SLFN11: variants seen among roughly 807,000 people sequenced by gnomAD.
SLFN11 encodes the protein schlafen family member 11.
SLFN11 carries 43 observed loss-of-function variants against 53.4 expected under a neutral mutation model. The observed-to-expected ratio is 0.80, with a 90% CI of 0.63 to 1.04. The LOEUF is 1.04. SLFN11 is among the 50% of genes least tolerant of loss of function. The probability of loss-of-function intolerance (pLI) is 0.00; values close to 1 mark genes in which losing one functional copy is unlikely to be tolerated. For synonymous variants in SLFN11, 389 were observed against 394.7 expected, an observed-to-expected ratio of 0.99 and a Z score of 0.17; for missense variants, 990 against 1,079.1, an observed-to-expected ratio of 0.92 and a Z score of 1.16.
chr17:35,359,231 TG>T (rs890009379), intron 5 of SLFN11, among the ~76,000 whole-genome samples: 66 of 152,252 alleles, frequency 4.3e-4, no homozygotes, highest in African/African-American at 1.5e-3. Context: ...TCTACTAAAA[TG>T]GATCTTATTG....
rs1348896425 is a variant in SLFN11, at chr17:35,353,870, A to G, written c.1388T>C (p.Leu463Pro). The change falls in exon 6 of 7, where the codon CTG becomes CCG. Residue 463 changes from leucine to proline, a missense_variant. Around this residue, in one of 3 missense-constraint regions of SLFN11, gnomAD observed 156 missense variants for 241.9 expected, o/e 0.64. Coordinates refer to ENST00000685675, the MANE Select transcript of SLFN11 (RefSeq NM_001376007.1). ...AATGGGGGTGCTGTTCTGTGCTATCAGCAGAGCATCACAGATGACTCCTGG... is the reference window on the plus strand; with the variant it reads ...AATGGGGGTGCTGTTCTGTGCTATCGGCAGAGCATCACAGATGACTCCTGG... Reference protein sequence around the residue: ...EKPGVICDALLIAQNSTPILY... With the variant: ...EKPGVICDALPIAQNSTPILY... 2 of 1,612,582 alleles carry G rather than the reference A, an allele frequency of 1.2e-6. No individual in the cohort carries two copies. Among genetic ancestry groups the G allele is most frequent in the East Asian group, 2.2e-5 (1 of 44,866 alleles).
intron 4 of SLFN11, among the ~76,000 whole-genome samples, chr17:35,362,369 C>G (rs1908337201): frequency 6.6e-6 from 1 of 152,018 alleles, no homozygotes; most frequent in Non-Finnish European, 1.5e-5. Flanking sequence ...TATTTAGGTG[C>G]AAGTATATAC....
At position 35,350,821 on chromosome 17, in the gene SLFN11, C is replaced by G. The variant is rs745337651; in HGVS notation, c.*1535G>C. 6 of 152,120 alleles carry G rather than the reference C, an allele frequency of 3.9e-5. No individual in the cohort carries two copies. Among genetic ancestry groups the G allele is most frequent in the Non-Finnish European group, 7.3e-5 (5 of 68,038 alleles). The allele number at this position is 152,120 out of a possible 1,614,324, so 9.4% of individuals were successfully genotyped here. A position where few individuals can be genotyped will look rare whatever the true frequency, so the allele number is the denominator to read the frequency against. On this transcript the variant is annotated 3_prime_UTR_variant, in exon 7 of 7. Transcript: ENST00000685675. Reference sequence around the variant, plus strand: ...CAAAAATCACAGTCTGGGGGGAAATCAGTAGAGTAAGATTACCAATAAGTG... The same window carrying G: ...CAAAAATCACAGTCTGGGGGGAAATGAGTAGAGTAAGATTACCAATAAGTG...
Position 35,363,438 on chromosome 17 carries a change from G to A in SLFN11, c.370C>T (p.Arg124Cys), listed in dbSNP as rs140675117. 2.7e-5 allele frequency: 44 copies of A among 1,613,840 alleles called. No individual in the cohort carries two copies. The highest frequency in any genetic ancestry group is 3.3e-5 in the South Asian group (3 of 91,082). ...PFPEDRSVKP[R>C]LCSLSSSLYR... The stretch of plus-strand genomic sequence containing the variant: ...AATGAAGAACTGAGGCTGCAAAGGC[G>A]GGGCTTGACAGAGCGATCTTCAGGG... The change falls in exon 4 of 7, where the codon CGC (arginine) becomes TGC (cysteine). Residue 124 changes from arginine (R) to cysteine (C), a missense_variant. Transcript: ENST00000685675.
In SLFN11 at chr17:35,363,574, T is replaced by G. The variant is rs1426864423; in HGVS notation, c.234A>C (p.Glu78Asp). The G allele has an allele frequency of 6.2e-7, 1 of 1,613,950 alleles. No individual in the cohort carries two copies. Among genetic ancestry groups the G allele is most frequent in the East Asian group, 2.2e-5 (1 of 44,894 alleles). The change falls in exon 4 of 7, where the codon GAA becomes GAC. Residue 78 changes from glutamate (E) to aspartate (D), a missense_variant. Around this residue, in one of 3 missense-constraint regions of SLFN11, gnomAD observed 521 missense variants for 516.2 expected, o/e 1.01. Coordinates refer to ENST00000685675, the MANE Select transcript of SLFN11 (RefSeq NM_001376007.1). The stretch of plus-strand genomic sequence containing the variant: ...ACTGAATAAGCTCTCTCAAAGACTG[T>G]TCTAAATCCAGTCCCATCTCCACGG... ...EHPVEMGLDL[E>D]QSLRELIQSS...
At chr17:35,360,926 C>T (rs761502127) in intron 4 of SLFN11, among the ~76,000 whole-genome samples, 2 of 152,104 alleles carry the variant, frequency 1.3e-5, no homozygotes, top group African/African-American at 2.4e-5. Flanking sequence ...ACTATGATCA[C>T]GCCACTGCAC....
intron 3 of SLFN11, 125 bp from the exon 4 acceptor site, chr17:35,363,951 T>C: frequency 4.3e-6 from 3 of 699,762 alleles, no homozygotes; most frequent in Non-Finnish European, 6.7e-6. Flanking sequence ...ATCCCTTCTC[T>C]TTAGGAGAAG....
At chr17:35,361,300 A>G (rs998410762) in intron 4 of SLFN11, among the ~76,000 whole-genome samples, 18 of 152,156 alleles carry the variant, frequency 1.2e-4, no homozygotes, top group Admixed American at 4.6e-4. Context: ...GGGGTAGAGC[A>G]GATTATACCT....
Position 35,351,355 on chromosome 17 carries a change from C to T in SLFN11, c.*1001G>A, listed in dbSNP as rs1906654860. 1 of 152,132 alleles carries T rather than the reference C, an allele frequency of 6.6e-6. No homozygotes were observed. Among genetic ancestry groups the T allele is most frequent in the South Asian group, 2.1e-4 (1 of 4,828 alleles). 9.4% of individuals were successfully genotyped at this position (152,132 alleles called of 1,614,324 possible). On this transcript the variant is annotated 3_prime_UTR_variant, in exon 7 of 7. Transcript: ENST00000685675. Reference sequence around the variant, plus strand: ...CCCAGCTCCACAGTGCAGGTTGGGGCTTCAACACGGGAATTTGGGGGTGAA... The same window carrying T: ...CCCAGCTCCACAGTGCAGGTTGGGGTTTCAACACGGGAATTTGGGGGTGAA...
At position 35,352,746 on chromosome 17, in the gene SLFN11, A is replaced by G. The variant is rs184079642; in HGVS notation, c.2316T>C (p.Gly772=). 158 of 1,614,206 alleles carry G rather than the reference A, an allele frequency of 9.8e-5. No homozygotes were observed. In the Admixed American group the frequency reaches 1.7e-3, roughly 17 times the overall value. The change falls in exon 7 of 7, where the codon GGT becomes GGC. Residue 772 remains glycine, a synonymous_variant. Coordinates refer to ENST00000685675, the MANE Select transcript of SLFN11 (RefSeq NM_001376007.1). ...TCTTAATTCGTAAGGTTCCCTGAAC[A>G]CCCTGGGACCATTCGGCTTCAGGAA... is the stretch of plus-strand genomic sequence containing the variant. ...EVFPEAEWSQ[G]VQGTLRIKKY...
chr17:35,367,457 C>G (rs183254901), intron 2 of SLFN11, 146 bp downstream of exon 2: 1 of 152,168 alleles, frequency 6.6e-6, no homozygotes, highest in African/African-American at 2.4e-5. Flanking sequence ...GAGATATTGT[C>G]CCATATAAAT....
chr17:35,362,129 C>T (rs1409873988), intron 4 of SLFN11, among the ~76,000 whole-genome samples: 2 of 151,986 alleles, frequency 1.3e-5, no homozygotes, highest in African/African-American at 2.4e-5. Context: ...TAGCCAACTG[C>T]CAGTTTCTGT....
chr17:35,359,110 G>T (rs1264538455), intron 5 of SLFN11, among the ~76,000 whole-genome samples: 2 of 152,030 alleles, frequency 1.3e-5, no homozygotes, highest in African/African-American at 4.8e-5. Flanking sequence ...TCAAAAGTTT[G>T]GTAGAAGTTT....
At position 35,353,657 on chromosome 17, in the gene SLFN11, T is replaced by A; in HGVS notation, c.1601A>T (p.Asp534Val). 8.6e-7 allele frequency: 1 copy of A among 1,166,330 alleles called. No individual in the cohort carries two copies. Among genetic ancestry groups the A allele is most frequent in the Non-Finnish European group, 1.2e-6 (1 of 859,384 alleles). The allele number at this position is 1,166,330 out of a possible 1,614,324, so 72.2% of individuals were successfully genotyped here. ...TGCAAGGCTATAGGACGCAGGGTAA[T>A]CCATCGGAGACACTGCAGCCTCCAA... ...EALEAAVSPM[D>V]YPASYSLAGT... Residue 534 changes from aspartate to valine, a missense_variant, in exon 6 of 7, where the codon GAT becomes GTT. Around this residue, in one of 3 missense-constraint regions of SLFN11, gnomAD observed 156 missense variants for 241.9 expected, o/e 0.64. Transcript: ENST00000685675.
At chr17:35,355,660 A>G (rs952132809) in intron 5 of SLFN11, among the ~76,000 whole-genome samples, 1 of 152,194 alleles carries the variant, frequency 6.6e-6, no homozygotes, top group Admixed American at 6.5e-5. Flanking sequence ...TTATAGGAAG[A>G]TAAGAAGTGC....
chr17:35,359,169 G>T (rs926784003), intron 5 of SLFN11, among the ~76,000 whole-genome samples: 4 of 152,032 alleles, frequency 2.6e-5, no homozygotes, highest in Non-Finnish European at 5.9e-5. Context: ...TCCTCTATGG[G>T]CATATAGCCC....
At chr17:35,372,440 A>C (rs1484020187) in intron 1 of SLFN11, among the ~76,000 whole-genome samples, 2 of 152,088 alleles carry the variant, frequency 1.3e-5, no homozygotes, top group Non-Finnish European at 2.9e-5. Context: ...TACGTTTTTA[A>C]ATAACTTAAA....
chr17:35,356,745 T>C (rs1907527045), intron 5 of SLFN11, among the ~76,000 whole-genome samples: 1 of 151,670 alleles, frequency 6.6e-6, no homozygotes, highest in African/African-American at 2.4e-5. Context: ...ATTATGTTAA[T>C]ACTACAGTGA....
intron 3 of SLFN11, among the ~76,000 whole-genome samples, chr17:35,366,288 G>A (rs1271186606): frequency 6.6e-6 from 1 of 151,964 alleles, no homozygotes; most frequent in Non-Finnish European, 1.5e-5. Flanking sequence ...AAGAAGGAGC[G>A]TGAACTTTGA....
Sources: gnomAD v4.1 joint callset for allele counts (sites outside exome capture counted in the v4.1 genomes callset) on GRCh38, gnomAD v4.1.1 for gene constraint, gnomAD v4.1.1 regional missense constraint, MANE v1.5 for transcripts, NCBI Gene and HGNC (gene_info 2026-07-23, HGNC 2026-07-21) for gene names.